ADGRL2: variants seen among roughly 807,000 people sequenced by gnomAD.
ADGRL2 encodes calcium-independent alpha-latrotoxin receptor 2.
A neutral mutation model predicts 157.4 loss-of-function variants in ADGRL2; 44 were observed. That is an observed-to-expected ratio of 0.28 (90% confidence interval 0.22 to 0.36). ADGRL2 has a LOEUF of 0.36. Ranked by LOEUF, ADGRL2 falls within the 10% of genes least tolerant of loss-of-function variation. The pLI, the probability that ADGRL2 is intolerant of heterozygous loss-of-function variation, is 1.00. For missense variants in ADGRL2, 1,510 were observed against 1,768.9 expected (o/e 0.85, Z 2.63); for synonymous variants, 585 against 624.7 (o/e 0.94, Z 0.95).
chr1:81,624,800 C>T (rs905926301), intron 3 of ADGRL2, among the ~76,000 whole-genome samples: 8 of 152,126 alleles, frequency 5.3e-5, no homozygotes, highest in African/African-American at 1.9e-4. Context: ...AGTATGGCAA[C>T]CCCCCAAACT....
At position 81,991,047 on chromosome 1, in the gene ADGRL2, G is replaced by A. The variant is rs1449010869; in HGVS notation, c.4312G>A (p.Gly1438Ser). ...TCAGATGTGCTACCAGATCAGCAGG[G>A]GCAATAGTGATGGTTATATAATCCC... ...QLQMCYQISR[G>S]NSDGYIIPIN... The change falls in exon 24 of 24, where the codon GGC (glycine) becomes AGC (serine). Residue 1438 changes from glycine (G) to serine (S), a missense_variant. Around this residue, in one of 4 missense-constraint regions of ADGRL2, gnomAD observed 327 missense variants for 310.1 expected, o/e 1.05. Transcript: ENST00000686636. 1.9e-6 allele frequency: 3 copies of A among 1,613,860 alleles called. No homozygotes were observed. The highest frequency in any genetic ancestry group is 2.5e-6 in the Non-Finnish European group (3 of 1,179,968).
chr1:81,709,885 G>A (rs1289154120), intron 1 of ADGRL2, among the ~76,000 whole-genome samples: 1 of 152,086 alleles, frequency 6.6e-6, no homozygotes, highest in Non-Finnish European at 1.5e-5. Context: ...AATAATGAAA[G>A]AAGTAAAGTC....
At chr1:81,798,224 T>C (rs1408990594), upstream of ADGRL2, among the ~76,000 whole-genome samples, 1 of 152,086 alleles carries the variant, frequency 6.6e-6, no homozygotes, top group Non-Finnish European at 1.5e-5. Flanking sequence ...GTAAATTATG[T>C]TTTTTGAATG....
chr1:81,341,336 A>C lies in ADGRL2; in HGVS notation c.-302+34827A>C, dbSNP rs577982603. Among the ~76,000 whole-genome samples the C allele has an allele frequency of 2.0e-5, 3 of 152,308 alleles. No individual in the cohort carries two copies. In the South Asian group the frequency reaches 6.2e-4, roughly 32 times the overall value. On this transcript the variant is annotated intron_variant, in intron 1 of 24. Transcript: ENST00000370721. Reference sequence around the variant, plus strand: ...TAGCAGCAAAGATAGTTTAAAAGAGAAAGGCCTCTAGATTTATTTAAAGAC... The same window carrying C: ...TAGCAGCAAAGATAGTTTAAAAGAGCAAGGCCTCTAGATTTATTTAAAGAC...
chr1:81,839,428 T>C (rs1481164977), intron 2 of ADGRL2, among the ~76,000 whole-genome samples: 6 of 152,046 alleles, frequency 3.9e-5, no homozygotes, highest in African/African-American at 1.4e-4. Flanking sequence ...AGGTGGTATT[T>C]GATTACATAA....
At chr1:81,651,495 A>T (rs2082418867) in intron 3 of ADGRL2, among the ~76,000 whole-genome samples, 1 of 152,170 alleles carries the variant, frequency 6.6e-6, no homozygotes, top group East Asian at 1.9e-4. Context: ...GCAAACGTAC[A>T]CAAAACAACC....
intron 1 of ADGRL2, among the ~76,000 whole-genome samples, chr1:81,431,060 C>T (rs925592585): frequency 2.6e-5 from 4 of 152,028 alleles, no homozygotes; most frequent in Admixed American, 6.5e-5. Flanking sequence ...AGAACAGGTA[C>T]AGGAAATGGG....
At chr1:81,721,119 G>A (rs1175536352) in intron 1 of ADGRL2, among the ~76,000 whole-genome samples, 1 of 149,160 alleles carries the variant, frequency 6.7e-6, no homozygotes, top group Non-Finnish European at 1.5e-5. Flanking sequence ...CGATCCTCCT[G>A]CGTCAGCCTC....
chr1:81,318,618 A>T (rs1270626363), intron 1 of ADGRL2, among the ~76,000 whole-genome samples: 1 of 152,244 alleles, frequency 6.6e-6, no homozygotes, highest in Non-Finnish European at 1.5e-5. Flanking sequence ...AGTAACCATG[A>T]TAGTAATAAT....
intron 3 of ADGRL2, among the ~76,000 whole-genome samples, chr1:81,679,093 G>A (rs374434002): frequency 1.5e-4 from 23 of 152,270 alleles, no homozygotes; most frequent in African/African-American, 5.5e-4. Context: ...AGGAAAGTAG[G>A]TGGACCTCGA....
intron 2 of ADGRL2, among the ~76,000 whole-genome samples, chr1:81,570,572 A>C: frequency 6.6e-6 from 1 of 152,102 alleles, no homozygotes; most frequent in Admixed American, 6.6e-5. Context: ...TATTTTTAGT[A>C]GAGACGGGGT....
intron 11 of ADGRL2, among the ~76,000 whole-genome samples, chr1:81,962,497 T>G (rs943649693): frequency 3.3e-5 from 5 of 152,192 alleles, no homozygotes; most frequent in African/African-American, 1.2e-4. Context: ...GTCAGATATA[T>G]CAGTTTATTC....
chr1:81,375,234 G>A (rs906727818), intron 1 of ADGRL2, among the ~76,000 whole-genome samples: 1 of 152,222 alleles, frequency 6.6e-6, no homozygotes, highest in Non-Finnish European at 1.5e-5. Context: ...GGCTCAAGGA[G>A]TCAAGAAAAC....
chr1:81,651,511 A>G (rs1411248512), intron 3 of ADGRL2, among the ~76,000 whole-genome samples: 1 of 152,174 alleles, frequency 6.6e-6, no homozygotes, highest in East Asian at 1.9e-4. Flanking sequence ...CAACCAAATT[A>G]AAATGTTATT....
chr1:81,411,823 T>A (rs993718168), intron 1 of ADGRL2, among the ~76,000 whole-genome samples: 2 of 147,962 alleles, frequency 1.4e-5, no homozygotes. Context: ...GAGCTTGCAG[T>A]GAGCTGAGAT....
intron 3 of ADGRL2, among the ~76,000 whole-genome samples, chr1:81,914,673 A>G (rs1052818030): frequency 1.3e-5 from 2 of 152,094 alleles, no homozygotes; most frequent in African/African-American, 4.8e-5. Flanking sequence ...TATGCAATCT[A>G]CTTAGGTTAT....
intron 3 of ADGRL2, among the ~76,000 whole-genome samples, chr1:81,626,624 T>C (rs1329483879): frequency 6.6e-6 from 1 of 152,216 alleles, no homozygotes; most frequent in East Asian, 1.9e-4. Flanking sequence ...GGTATCCTCA[T>C]GTAAAACATG....
chr1:81,977,627 C>T (rs1279864789), intron 17 of ADGRL2, among the ~76,000 whole-genome samples: 1 of 151,720 alleles, frequency 6.6e-6, no homozygotes, highest in African/African-American at 2.4e-5. Flanking sequence ...TTTCCACATT[C>T]ACATTTTTTA....
chr1:81,555,562 C>G (rs2080254919), intron 2 of ADGRL2, among the ~76,000 whole-genome samples: 1 of 152,072 alleles, frequency 6.6e-6, no homozygotes, highest in Non-Finnish European at 1.5e-5. Flanking sequence ...AACCACTGTG[C>G]CCAGCCCTGA....
Sources: gnomAD v4.1 joint callset for allele counts (sites outside exome capture counted in the v4.1 genomes callset) on GRCh38, gnomAD v4.1.1 for gene constraint, gnomAD v4.1.1 regional missense constraint, MANE v1.5 for transcripts, NCBI Gene and HGNC (gene_info 2026-07-23, HGNC 2026-07-21) for gene names.